DTWD2: variants seen among roughly 807,000 people sequenced by gnomAD.
DTWD2 encodes DTW motif tRNA-uridine aminocarboxypropyltransferase 2.
In DTWD2, 39 loss-of-function variants were observed where a neutral mutation model predicts 31.8. The observed-to-expected ratio is 1.22, with a 90% CI of 0.95 to 1.60. DTWD2 has a LOEUF of 1.60. Among genes scored for constraint, DTWD2 ranks in the 40% most tolerant of loss-of-function variants. The pLI, the probability that DTWD2 is intolerant of heterozygous loss-of-function variation, is 0.00. For missense variants in DTWD2, 515 were observed against 381.5 expected, an observed-to-expected ratio of 1.35 and a Z score of -2.92; for synonymous variants, 180 against 142.8, an observed-to-expected ratio of 1.26 and a Z score of -1.86.
intron 4 of DTWD2, among the ~76,000 whole-genome samples, chr5:118,878,894 A>G (rs140112251): frequency 0.011 from 1,665 of 152,350 alleles, 27 homozygotes; most frequent in African/African-American, 0.038. Flanking sequence ...AGAAAGCTCA[A>G]TATCACTGAT....
chr5:118,963,803 GT>G (rs2149594405), intron 1 of DTWD2, among the ~76,000 whole-genome samples: 1 of 152,244 alleles, frequency 6.6e-6, no homozygotes, highest in South Asian at 2.1e-4. Flanking sequence ...CACTATTCAT[GT>G]TATATTACAA....
intron 4 of DTWD2, among the ~76,000 whole-genome samples, chr5:118,915,200 A>G (rs531913702): frequency 3.3e-5 from 5 of 152,214 alleles, no homozygotes; most frequent in African/African-American, 1.2e-4. Context: ...TGGGCAACAC[A>G]GTGAGACTCT....
At chr5:118,987,112 T>A (rs572560720) in intron 1 of DTWD2, among the ~76,000 whole-genome samples, 1 of 152,202 alleles carries the variant, frequency 6.6e-6, no homozygotes, top group African/African-American at 2.4e-5. Flanking sequence ...CTTTGATTTA[T>A]ATTTGAAACA....
At chr5:118,975,856 T>C (rs1010620444) in intron 1 of DTWD2, among the ~76,000 whole-genome samples, 2 of 152,206 alleles carry the variant, frequency 1.3e-5, no homozygotes, top group Admixed American at 1.3e-4. Context: ...AATAGACATC[T>C]ACAGAACTCT....
intron 1 of DTWD2, among the ~76,000 whole-genome samples, chr5:118,951,408 G>A (rs1302344573): frequency 6.6e-6 from 1 of 152,100 alleles, no homozygotes; most frequent in Admixed American, 6.6e-5. Flanking sequence ...AAAGAAGAAA[G>A]ATTTGGGACG....
intron 1 of DTWD2, among the ~76,000 whole-genome samples, chr5:118,987,643 T>C (rs1755457379): frequency 6.6e-6 from 1 of 152,218 alleles, no homozygotes; most frequent in African/African-American, 2.4e-5. Flanking sequence ...AGTAAGAGAA[T>C]ACTCTACAAA....
At chr5:118,979,072 A>C (rs1183724552) in intron 1 of DTWD2, among the ~76,000 whole-genome samples, 1 of 152,180 alleles carries the variant, frequency 6.6e-6, no homozygotes, top group East Asian at 1.9e-4. Context: ...TGGGAGGCCA[A>C]GGCGGGTGGA....
rs1447206422 is a variant in DTWD2, at chr5:118,988,436, G to A, written c.76C>T (p.Pro26Ser). ...RPSGASSSQT[P>S]NDKERREGGA... ...CCCTCCCGCCGCTCCTTGTCGTTCGGCGTCTGAGAGCTTGAGGCCCCAGAA... is the reference window on the plus strand; with the variant it reads ...CCCTCCCGCCGCTCCTTGTCGTTCGACGTCTGAGAGCTTGAGGCCCCAGAA... The change falls in exon 1 of 6, where the codon CCG (proline) becomes TCG (serine). Residue 26 changes from proline to serine, a missense_variant. Pro to Ser is a moderately conservative substitution (Grantham distance 74). Transcript: ENST00000510708. 3 of 1,607,080 alleles carry A rather than the reference G, an allele frequency of 1.9e-6. No individual in the cohort carries two copies. The highest frequency in any genetic ancestry group is 2.3e-5 in the East Asian group (1 of 44,348).
intron 4 of DTWD2, among the ~76,000 whole-genome samples, chr5:118,920,676 A>T (rs1753683402): frequency 6.6e-6 from 1 of 152,352 alleles, no homozygotes; most frequent in African/African-American, 2.4e-5. Flanking sequence ...TCTATAAAAT[A>T]TAGTACTAAC....
intron 2 of DTWD2, 37 bp from the exon 3 acceptor site, chr5:118,939,327 CT>C: frequency 6.7e-7 from 1 of 1,492,740 alleles, no homozygotes. Context: ...TAGATTTTTA[CT>C]TAGATATACA....
rs565830976 is a variant in DTWD2 at position 118,841,863 on chromosome 5, T to C, written c.727-776A>G. ...GGGCCTGAGACCCCTGATGAAGATA[T>C]TTTCAAAAATAACAGCAAAAAAACT... On this transcript the variant is annotated intron_variant, in intron 5 of 5. Coordinates refer to ENST00000510708, the MANE Select transcript of DTWD2 (RefSeq NM_173666.4). Among the ~76,000 whole-genome samples the C allele has an allele frequency of 2.0e-5, 3 of 151,982 alleles. No individual in the cohort carries two copies. In the South Asian group the frequency reaches 6.2e-4, roughly 32 times the overall value.
intron 5 of DTWD2, among the ~76,000 whole-genome samples, chr5:118,846,650 C>A (rs1340178674): frequency 1.3e-5 from 2 of 151,950 alleles, no homozygotes; most frequent in African/African-American, 2.4e-5. Context: ...ATTAAGACAC[C>A]TGTGAAAAGT....
chr5:118,952,506 G>A (rs1442157550), intron 1 of DTWD2, among the ~76,000 whole-genome samples: 4 of 152,074 alleles, frequency 2.6e-5, no homozygotes, highest in Non-Finnish European at 4.4e-5. Context: ...GTGGGGGAGC[G>A]TCTGAGCCGG....
intron 4 of DTWD2, among the ~76,000 whole-genome samples, chr5:118,918,409 C>T (rs1753627396): frequency 6.6e-6 from 1 of 150,408 alleles, no homozygotes; most frequent in African/African-American, 2.5e-5. Flanking sequence ...TCATTGCAAG[C>T]TCCGCCTCCT....
intron 3 of DTWD2, among the ~76,000 whole-genome samples, chr5:118,934,474 C>T (rs1168856437): frequency 6.6e-6 from 1 of 151,454 alleles, no homozygotes; most frequent in African/African-American, 2.4e-5. Flanking sequence ...TTATAAGGTT[C>T]TTATGTTATA....
chr5:118,847,678 T>C (rs1430216822), intron 5 of DTWD2, among the ~76,000 whole-genome samples: 4 of 152,002 alleles, frequency 2.6e-5, no homozygotes, highest in Non-Finnish European at 5.9e-5. Flanking sequence ...AGAAAGTTAG[T>C]ATACGGCACC....
At chr5:118,879,609 CAAA>C (rs775009585) in intron 4 of DTWD2, among the ~76,000 whole-genome samples, 3 of 36,200 alleles carry the variant, frequency 8.3e-5, no homozygotes, top group Admixed American at 2.6e-4. Flanking sequence ...GACTACAGCT[CAAA>C]AAAAAAAAAA....
intron 4 of DTWD2, 82 bp from the exon 5 acceptor site, chr5:118,848,300 T>G (rs1384007908): frequency 7.7e-7 from 1 of 1,305,098 alleles, no homozygotes; most frequent in Non-Finnish European, 1.0e-6. Context: ...CTAATTACTT[T>G]CCTTCCAAAA....
intron 4 of DTWD2, among the ~76,000 whole-genome samples, chr5:118,916,140 G>A (rs916343930): frequency 1.3e-5 from 2 of 152,170 alleles, no homozygotes; most frequent in African/African-American, 2.4e-5. Flanking sequence ...ATATCTCAAC[G>A]AAGCATTCAG....
Sources: allele counts gnomAD v4.1 joint callset (sites outside exome capture counted in the v4.1 genomes callset), GRCh38; gene constraint gnomAD v4.1.1; transcripts MANE v1.5; gene names NCBI Gene and HGNC (gene_info 2026-07-23, HGNC 2026-07-21).